The following VPS50 variants were observed in gnomAD, a reference collection of about 807,000 sequenced individuals.
VPS50 encodes VPS50 subunit of EARP/GARPII complex.
In VPS50, 70 loss-of-function variants were observed where a neutral mutation model predicts 139.7. That is an observed-to-expected ratio of 0.50 (90% CI 0.41 to 0.61). The LOEUF is 0.61. Among genes scored for constraint, VPS50 ranks in the 20% least tolerant of loss-of-function variants. VPS50 has a pLI of 0.00. For missense variants in VPS50, 921 were observed against 1,133.7 expected (o/e 0.81, Z 2.69); for synonymous variants, 365 against 376.7 (o/e 0.97, Z 0.36).
At chr7:93,240,089 C>T in intron 2 of VPS50, 155 bp downstream of exon 2, 1 of 516,244 alleles carries the variant, frequency 1.9e-6, no homozygotes, top group South Asian at 2.4e-5. Context: ...AGGTGTAGGG[C>T]TTGTTTCATT....
chr7:93,297,684 C>T (rs915620940), intron 16 of VPS50, among the ~76,000 whole-genome samples: 1 of 152,074 alleles, frequency 6.6e-6, no homozygotes, highest in African/African-American at 2.4e-5. Flanking sequence ...CAGAATTCCC[C>T]TATAAATCCA....
At chr7:93,311,537 C>G (rs1040237446) in intron 20 of VPS50, among the ~76,000 whole-genome samples, 1 of 151,930 alleles carries the variant, frequency 6.6e-6, no homozygotes, top group Non-Finnish European at 1.5e-5. Flanking sequence ...AATTGAAATG[C>G]GATGAAAAAT....
chr7:93,265,859 G>A (rs558365240), intron 9 of VPS50, among the ~76,000 whole-genome samples: 33 of 152,234 alleles, frequency 2.2e-4, no homozygotes, highest in Admixed American at 1.8e-3. Context: ...GAGCCACTGC[G>A]CCTGGGCAAG....
At chr7:93,246,118 A>G (rs2214098) in intron 2 of VPS50, 20,347 of 1,515,396 alleles carry the variant, frequency 0.013, 364 homozygotes, top group East Asian at 0.098. Context: ...CCCTAACGTG[A>G]TGTTAACTTT....
chr7:93,316,390 G>A (rs1797430263), intron 20 of VPS50, among the ~76,000 whole-genome samples: 3 of 152,152 alleles, frequency 2.0e-5, no homozygotes, highest in African/African-American at 7.2e-5. Flanking sequence ...GTGTAAATAA[G>A]GGATTGACTT....
chr7:93,319,157 T>C (rs1347183044), intron 20 of VPS50, among the ~76,000 whole-genome samples: 1 of 152,224 alleles, frequency 6.6e-6, no homozygotes, highest in Non-Finnish European at 1.5e-5. Context: ...CAATATCCTA[T>C]TCCTTTTCCT....
chr7:93,322,149 CTCT>C (rs1243738219), intron 20 of VPS50, among the ~76,000 whole-genome samples: 1 of 152,114 alleles, frequency 6.6e-6, no homozygotes, highest in African/African-American at 2.4e-5. Context: ...ATTTGTGTTT[CTCT>C]TCTTGACCAT....
chr7:93,260,274 G>A (rs1275389949), intron 9 of VPS50, among the ~76,000 whole-genome samples: 1 of 152,144 alleles, frequency 6.6e-6, no homozygotes, highest in Non-Finnish European at 1.5e-5. Context: ...TCTTGGGGAA[G>A]CTCTAATCCC....
chr7:93,265,440 G>A (rs1363368404), intron 9 of VPS50, among the ~76,000 whole-genome samples: 11 of 152,192 alleles, frequency 7.2e-5, no homozygotes, highest in Non-Finnish European at 5.9e-5. Flanking sequence ...AACACAGACT[G>A]CCAGCTGGAT....
chr7:93,281,333 G>GT (rs1167479647), intron 12 of VPS50, among the ~76,000 whole-genome samples: 1 of 152,110 alleles, frequency 6.6e-6, no homozygotes, highest in African/African-American at 2.4e-5. Flanking sequence ...GAAAATAACA[G>GT]TTTATTTTGT....
chr7:93,276,531 C>A, intron 12 of VPS50: 1 of 552,852 alleles, frequency 1.8e-6, no homozygotes. Context: ...GCTTCTCAAT[C>A]GACTCTTTAC....
At chr7:93,237,564 G>A (rs1193793084) in intron 1 of VPS50, among the ~76,000 whole-genome samples, 1 of 152,058 alleles carries the variant, frequency 6.6e-6, no homozygotes, top group African/African-American at 2.4e-5. Flanking sequence ...GTTTCTTTAC[G>A]GACTAGCTCT....
chr7:93,339,130 CT>C (rs996128091), intron 22 of VPS50, among the ~76,000 whole-genome samples: 17 of 148,280 alleles, frequency 1.1e-4, no homozygotes, highest in South Asian at 4.3e-4. Flanking sequence ...TTTTATTCTC[CT>C]TTTTTTTTTC....
At position 93,308,903 on chromosome 7, in the gene VPS50, A is replaced by G. The variant is rs1185499033; in HGVS notation, c.1709A>G (p.Asp570Gly). 2 of 1,604,554 alleles carry G rather than the reference A, an allele frequency of 1.2e-6. No individual in the cohort carries two copies. Among genetic ancestry groups the G allele is most frequent in the Non-Finnish European group, 1.7e-6 (2 of 1,172,146 alleles). ...GATGTTCCTGAGGAACTCAAACGAG[A>G]CTATGTGGATGAGCAGACAGGAGAT... The part of the protein sequence containing the change: ...DSDVPEELKR[D>G]YVDEQTGDGP... The change falls in exon 19 of 28, where the codon GAC becomes GGC. Residue 570 changes from aspartate to glycine, a missense_variant. By Grantham distance (94) the Asp-to-Gly change is moderately conservative. Coordinates refer to ENST00000305866, the MANE Select transcript of VPS50 (RefSeq NM_017667.4).
At chr7:93,353,053 C>T (rs931284451) in intron 25 of VPS50, among the ~76,000 whole-genome samples, 1 of 151,996 alleles carries the variant, frequency 6.6e-6, no homozygotes, top group Non-Finnish European at 1.5e-5. Flanking sequence ...GGATTCTCAA[C>T]CAGTAGGTAT....
intron 13 of VPS50, among the ~76,000 whole-genome samples, chr7:93,293,423 T>A (rs1397328582): frequency 6.6e-6 from 1 of 152,158 alleles, no homozygotes; most frequent in Non-Finnish European, 1.5e-5. Context: ...TGAGTCAAAG[T>A]GAAAACTCTA....
chr7:93,308,743 CTG>C (rs1797184779), intron 18 of VPS50, 79 bp from the exon 19 acceptor site: 1 of 614,076 alleles, frequency 1.6e-6, no homozygotes, highest in African/African-American at 1.9e-5. Flanking sequence ...TCTTATAAAA[CTG>C]AGTACTTTCA....
Position 93,311,233 on chromosome 7 carries a change from A to G in VPS50, c.1816A>G (p.Ile606Val). The G allele has an allele frequency of 7.2e-7, 1 of 1,380,814 alleles. No homozygotes were observed. Among genetic ancestry groups the G allele is most frequent in the Non-Finnish European group, 1.0e-6 (1 of 967,378 alleles). The allele number at this position is 1,380,814 out of a possible 1,614,324, so 85.5% of individuals were successfully genotyped here. ...DYSLNKVNAP[I>V]LTNTTLNVIR... Reference sequence around the variant, plus strand: ...CAGTCTAAATAAAGTGAATGCACCTATCTTAACAAATACAACATTGAACGT... The same window carrying G: ...CAGTCTAAATAAAGTGAATGCACCTGTCTTAACAAATACAACATTGAACGT... Residue 606 changes from isoleucine to valine, a missense_variant, in exon 20 of 28, where the codon ATC becomes GTC. Physicochemically the swap from Ile to Val is conservative, Grantham distance 29. Around this residue, in one of 3 missense-constraint regions of VPS50, gnomAD observed 744 missense variants for 930.6 expected, o/e 0.80. Transcript: ENST00000305866.
At chr7:93,251,688 A>G (rs1795339120) in intron 2 of VPS50, among the ~76,000 whole-genome samples, 1 of 152,276 alleles carries the variant, frequency 6.6e-6, no homozygotes, top group Non-Finnish European at 1.5e-5. Flanking sequence ...AAAGAAAAAT[A>G]TACTGTTCTT....
Sources: allele counts gnomAD v4.1 joint callset (sites outside exome capture counted in the v4.1 genomes callset), GRCh38; gene constraint gnomAD v4.1.1; regional missense constraint gnomAD v4.1.1; transcripts MANE v1.5; gene names NCBI Gene and HGNC (gene_info 2026-07-23, HGNC 2026-07-21).